The following SDC1 variants were observed in gnomAD, a reference collection of about 807,000 sequenced individuals.
The protein encoded by SDC1 is syndecan-1.
Under a neutral mutation model 29.7 loss-of-function variants are expected in SDC1, and 14 were observed. That is an observed-to-expected ratio of 0.47 (90% CI 0.31 to 0.74). The LOEUF (loss-of-function observed/expected upper bound fraction) is 0.74. Among genes scored for constraint, SDC1 ranks in the 30% least tolerant of loss-of-function variants. The pLI, the probability that SDC1 is intolerant of heterozygous loss-of-function variation, is 0.05. For synonymous variants in SDC1, 204 were observed against 175.5 expected, an observed-to-expected ratio of 1.16 and a Z score of -1.29; for missense variants, 406 against 400.3, an observed-to-expected ratio of 1.01 and a Z score of -0.12.
At chr2:20,225,133 C>A (rs971710379), upstream of SDC1, 8 of 275,846 alleles carry the variant, frequency 2.9e-5, no homozygotes, top group Admixed American at 5.5e-5. Context: ...CAAAAACTGG[C>A]CCCCCACCCC....
rs910330916 is a variant in SDC1 at position 20,201,088 on chromosome 2, C to G, written c.*1678G>C. ...AGCAAGTAAGTGCAGGAGCCCTGGG[C>G]TGGGGGCCTCTGGCCTCTGCAGCCG... is the stretch of plus-strand genomic sequence containing the variant. On this transcript the variant is annotated 3_prime_UTR_variant, in exon 5 of 5. Coordinates refer to ENST00000254351, the MANE Select transcript of SDC1 (RefSeq NM_002997.5). 6.6e-6 allele frequency: 1 copy of G among 152,286 alleles called. No homozygotes were observed. The highest frequency in any genetic ancestry group is 1.5e-5 in the Non-Finnish European group (1 of 68,094). The allele number at this position is 152,286 out of a possible 1,614,324, so 9.4% of individuals were successfully genotyped here.
At position 20,202,165 on chromosome 2, in the gene SDC1, T is replaced by TG. The variant is rs1677030890; in HGVS notation, c.*600dup. 2.3e-5 allele frequency: 15 copies of TG among 653,924 alleles called. No individual in the cohort carries two copies. The South Asian group carries it at 2.6e-4, about 11-fold the overall frequency. 40.5% of individuals were successfully genotyped at this position (653,924 alleles called of 1,614,324 possible). ...CCGACCATAGATTAGGGAAGCAAGA[T>TG]GGGGGGATACCGAATCAACTTACTT... On this transcript the variant is annotated 3_prime_UTR_variant, in exon 5 of 5. Coordinates refer to ENST00000254351, the MANE Select transcript of SDC1 (RefSeq NM_002997.5).
rs750709228 is a variant in SDC1 at position 20,202,742 on chromosome 2, C to A, written c.*24G>T. On this transcript the variant is annotated 3_prime_UTR_variant, in exon 5 of 5. Transcript: ENST00000254351. ...AGTGGGGGCCTAGTGAGTGGCAGGG[C>A]GGAGGGGGCGCATGGCTCCCGCGTC... The A allele has an allele frequency of 6.4e-7, 1 of 1,569,300 alleles. No homozygotes were observed. Among genetic ancestry groups the A allele is most frequent in the South Asian group, 1.2e-5 (1 of 82,568 alleles).
Position 20,224,789 on chromosome 2 carries a change from C to T in SDC1, c.66+13G>A. The T allele has an allele frequency of 2.3e-6, 3 of 1,306,138 alleles. No individual in the cohort carries two copies. Among genetic ancestry groups the T allele is most frequent in the Non-Finnish European group, 1.9e-6 (2 of 1,026,914 alleles). The allele number at this position is 1,306,138 out of a possible 1,614,324, so 80.9% of individuals were successfully genotyped here. A position where few individuals can be genotyped will look rare whatever the true frequency, so the allele number is the denominator to read the frequency against. On this transcript the variant is annotated intron_variant, in intron 1 of 4. Transcript: ENST00000254351. The surrounding 1 kb of genome is among the most constrained non-coding windows in gnomAD (Gnocchi z 4.9). ...TCCCGCCGCCTCCCCGCCTGGCCGCCGGCCGCACTCACCGGCAGGGCCGGC... is the reference window on the plus strand; with the variant it reads ...TCCCGCCGCCTCCCCGCCTGGCCGCTGGCCGCACTCACCGGCAGGGCCGGC...
Position 20,204,217 on chromosome 2 carries a change from G to A in SDC1, c.223C>T (p.Pro75Ser). ...WKDTQLLTAI[P>S]TSPEPTGLEA... is the part of the protein sequence containing the mutation. The stretch of plus-strand genomic sequence containing the variant: ...AGGCCGGTGGGTTCTGGAGACGTGG[G>A]AATAGCCGTCAGGAGCTGCGTGTCC... Residue 75 changes from proline to serine, a missense_variant, in exon 3 of 5, where the codon CCC (proline) becomes TCC (serine). Physicochemically the swap from Pro to Ser is moderately conservative, Grantham distance 74. Transcript: ENST00000254351. 2 of 1,598,834 alleles carry A rather than the reference G, an allele frequency of 1.3e-6. No individual in the cohort carries two copies. The highest frequency in any genetic ancestry group is 2.2e-5 in the South Asian group (2 of 91,052).
rs1230521212 is a variant in SDC1, at chr2:20,214,312, T to TAAGCACTGAGGCTGCTGAG, written c.67-8907_67-8889dup. Among the ~76,000 whole-genome samples, 124 of 152,070 alleles carry TAAGCACTGAGGCTGCTGAG rather than the reference T, an allele frequency of 8.2e-4. 1 individual carries two copies. The highest frequency in any genetic ancestry group is 2.9e-3 in the African/African-American group (119 of 41,428). On this transcript the variant is annotated intron_variant, in intron 1 of 4. Transcript: ENST00000254351. Reference sequence around the variant, plus strand: ...CAGATAAAGAACAATTCAGATTGAGTAAGCACTGAGGCTGCTGAGAAGCCC... The same window carrying TAAGCACTGAGGCTGCTGAG: ...CAGATAAAGAACAATTCAGATTGAGTAAGCACTGAGGCTGCTGAGAAGCACTGAGGCTGCTGAGAAGCCC...
Position 20,203,806 on chromosome 2 carries a change from C to T in SDC1, c.627+7G>A. On this transcript the variant is annotated splice_region_variant and intron_variant, in intron 3 of 4. Transcript: ENST00000254351. ...TCAATTTCCCAAGGAATGCAGAGGC[C>T]ACTCACCTGCTCCCCAGAGCCCTCT... The T allele has an allele frequency of 1.3e-6, 2 of 1,561,904 alleles. No individual in the cohort carries two copies. The highest frequency in any genetic ancestry group is 1.7e-6 in the Non-Finnish European group (2 of 1,154,954).
intron 1 of SDC1, among the ~76,000 whole-genome samples, chr2:20,206,955 G>A (rs895675367): frequency 7.2e-5 from 11 of 152,354 alleles, no homozygotes; most frequent in Middle Eastern, 3.4e-3. Flanking sequence ...ATGAGAAGAC[G>A]GGGGCAGGAA....
chr2:20,209,523 C>T (rs1677393131), intron 1 of SDC1, among the ~76,000 whole-genome samples: 1 of 152,208 alleles, frequency 6.6e-6, no homozygotes, highest in Non-Finnish European at 1.5e-5. Context: ...GACCAGCCCA[C>T]ATTTGAGAGG....
intron 1 of SDC1, among the ~76,000 whole-genome samples, chr2:20,221,572 C>T (rs1022020693): frequency 6.6e-6 from 1 of 152,138 alleles, no homozygotes; most frequent in East Asian, 1.9e-4. Flanking sequence ...GAGAGTCATG[C>T]CCAGAGTAAG....
At chr2:20,212,519 G>T (rs1436031157) in intron 1 of SDC1, among the ~76,000 whole-genome samples, 1 of 152,244 alleles carries the variant, frequency 6.6e-6, no homozygotes, top group Non-Finnish European at 1.5e-5. Context: ...TGAGGCTGCA[G>T]ATGGGGTCTG....
In SDC1 at chr2:20,224,051, G is replaced by T. The variant is rs1677909650; in HGVS notation, c.66+751C>A. The T allele has an allele frequency of 3.9e-6, 1 of 256,160 alleles. No homozygotes were observed. The highest frequency in any genetic ancestry group is 5.5e-5 in the Admixed American group (1 of 18,106). 15.9% of individuals were successfully genotyped at this position (256,160 alleles called of 1,614,324 possible). On this transcript the variant is annotated intron_variant, in intron 1 of 4. Coordinates refer to ENST00000254351, the MANE Select transcript of SDC1 (RefSeq NM_002997.5). The surrounding 1 kb of genome is among the most constrained non-coding windows in gnomAD (Gnocchi z 4.9). Reference sequence around the variant, plus strand: ...GTCCCCTCGCGTGGAAGGCGCCTGCGCCTCGGCCGTGCCCGGCACGGGAAC... The same window carrying T: ...GTCCCCTCGCGTGGAAGGCGCCTGCTCCTCGGCCGTGCCCGGCACGGGAAC...
Position 20,204,234 on chromosome 2 carries a change from T to G in SDC1, c.206A>C (p.Gln69Pro), listed in dbSNP as rs1190924208. 1 of 1,593,746 alleles carries G rather than the reference T, an allele frequency of 6.3e-7. No homozygotes were observed. The highest frequency in any genetic ancestry group is 1.7e-5 in the Admixed American group (1 of 59,326). Residue 69 changes from glutamine (Q) to proline (P), a missense_variant, in exon 3 of 5, where the codon CAG becomes CCG. Physicochemically the swap from Gln to Pro is moderately conservative, Grantham distance 76 (BLOSUM62 -1). Coordinates refer to ENST00000254351, the MANE Select transcript of SDC1 (RefSeq NM_002997.5). ...AGACGTGGGAATAGCCGTCAGGAGC[T>G]GCGTGTCCTTCCAAGTGGAGGGGGT... ...QQTPSTWKDT[Q>P]LLTAIPTSPE...
Position 20,202,151 on chromosome 2 carries a change from T to C in SDC1, c.*615A>G. 3 of 613,670 alleles carry C rather than the reference T, an allele frequency of 4.9e-6. No individual in the cohort carries two copies. Among genetic ancestry groups the C allele is most frequent in the South Asian group, 3.9e-5 (2 of 51,050 alleles). The allele number at this position is 613,670 out of a possible 1,614,324, so 38.0% of individuals were successfully genotyped here. On this transcript the variant is annotated 3_prime_UTR_variant, in exon 5 of 5. Coordinates refer to ENST00000254351, the MANE Select transcript of SDC1 (RefSeq NM_002997.5). ...CCTGATGCTGTCTCCCGACCATAGA[T>C]TAGGGAAGCAAGATGGGGGGATACC...
chr2:20,223,399 A>T, intron 1 of SDC1: 1 of 717,704 alleles, frequency 1.4e-6, no homozygotes, highest in Non-Finnish European at 2.1e-6. Flanking sequence ...GGAGAACCCG[A>T]GTGCCCACCC....
rs1677094404 is a variant in SDC1 at position 20,203,131 on chromosome 2, GTGGCCCCCT to G, written c.710_718del (p.Gln237_Thr240delinsPro). On this transcript the variant is annotated inframe_deletion, in exon 4 of 5. Transcript: ENST00000254351. The stretch of plus-strand genomic sequence containing the variant: ...GTCCAGGAGGCCCTGTGAGGCCCCC[GTGGCCCCCT>G]GATCCACTGGGGACTGGTTCCGGCG... 1 of 1,611,916 alleles carries G rather than the reference GTGGCCCCCT, an allele frequency of 6.2e-7. No homozygotes were observed. The highest frequency in any genetic ancestry group is 8.5e-7 in the Non-Finnish European group (1 of 1,178,708).
At position 20,224,372 on chromosome 2, in the gene SDC1, G is replaced by C. The variant is rs1677922986; in HGVS notation, c.66+430C>G. 1.3e-5 allele frequency: 2 copies of C among 152,186 alleles called. No homozygotes were observed. The highest frequency in any genetic ancestry group is 1.3e-4 in the Admixed American group (2 of 15,228). The allele number at this position is 152,186 out of a possible 1,614,324, so 9.4% of individuals were successfully genotyped here. On this transcript the variant is annotated intron_variant, in intron 1 of 4. Transcript: ENST00000254351. The surrounding 1 kb of genome is among the most constrained non-coding windows in gnomAD (Gnocchi z 4.9). Reference sequence around the variant, plus strand: ...CGGGCTCGGCGGCGCTGGGGCGCAAGCCCGCGGGTCTGGTTTGAATTAGGG... The same window carrying C: ...CGGGCTCGGCGGCGCTGGGGCGCAACCCCGCGGGTCTGGTTTGAATTAGGG...
Position 20,203,172 on chromosome 2 carries a change from C to A in SDC1, c.678G>T (p.Glu226Asp), listed in dbSNP as rs752475849. Residue 226 changes from glutamate to aspartate, a missense_variant, in exon 4 of 5, where the codon GAG becomes GAT. Glu to Asp is a conservative substitution (Grantham distance 45). Coordinates refer to ENST00000254351, the MANE Select transcript of SDC1 (RefSeq NM_002997.5). ...CTGGGGACTGGTTCCGGCGGTCAGG[C>A]TCCACGGCCACTACAGCCGTATTCT... ...SGENTAVVAV[E>D]PDRRNQSPVD... 6 of 1,612,978 alleles carry A rather than the reference C, an allele frequency of 3.7e-6. No individual in the cohort carries two copies. In the South Asian group the frequency reaches 4.4e-5, roughly 12 times the overall value.
intron 1 of SDC1, among the ~76,000 whole-genome samples, chr2:20,215,372 C>T (rs2148292832): frequency 6.6e-6 from 1 of 152,364 alleles, no homozygotes; most frequent in East Asian, 1.9e-4. Context: ...CTTCTCAGGT[C>T]AGGAGGCAGC....
Sources: allele counts gnomAD v4.1 joint callset (sites outside exome capture counted in the v4.1 genomes callset), GRCh38; gene constraint gnomAD v4.1.1; non-coding constraint Gnocchi (gnomAD v3.1); transcripts MANE v1.5; gene names NCBI Gene and HGNC (gene_info 2026-07-23, HGNC 2026-07-21).